Variants in LRPPRC observed in about 807,000 individuals in gnomAD.
LRPPRC encodes leucine-rich PPR motif-containing protein, mitochondrial.
In LRPPRC, 120 loss-of-function variants were observed where a neutral mutation model predicts 180.3. The observed-to-expected ratio is 0.67, with a 90% CI of 0.57 to 0.77. The LOEUF (loss-of-function observed/expected upper bound fraction) is 0.77. Ranked by LOEUF, LRPPRC falls within the 30% of genes least tolerant of loss-of-function variation. LRPPRC has a pLI of 0.00. For missense variants in LRPPRC, 2,012 were observed against 1,657.2 expected (o/e 1.21, Z -3.72); for synonymous variants, 723 against 600.0 (o/e 1.21, Z -3.00).
At position 43,975,153 on chromosome 2, in the gene LRPPRC, C is replaced by G. The variant is rs756849117; in HGVS notation, c.802G>C (p.Asp268His). ...GCATTCAATAATGCGAGGTATGTGTCTGGACCAGGCTCAATTCCGGCATCT... is the reference window on the plus strand; with the variant it reads ...GCATTCAATAATGCGAGGTATGTGTGTGGACCAGGCTCAATTCCGGCATCT... ...MRDAGIEPGP[D>H]TYLALLNAYA... is the part of the protein sequence containing the mutation. Residue 268 changes from aspartate to histidine, a missense_variant, in exon 7 of 38, where the codon GAC (aspartate) becomes CAC (histidine). Transcript: ENST00000260665. The G allele has an allele frequency of 1.3e-4, 209 of 1,613,468 alleles. No homozygotes were observed. The highest frequency in any genetic ancestry group is 1.7e-4 in the Non-Finnish European group (195 of 1,179,742).
At position 43,896,620 on chromosome 2, in the gene LRPPRC, G is replaced by A. The variant is rs3795859; in HGVS notation, c.3900+14C>T. 0.13 allele frequency: 196,344 copies of A among 1,559,860 alleles called. 16,434 individuals carry two copies. The highest frequency in any genetic ancestry group is 0.43 in the East Asian group (19,323 of 44,462). ...TACAGTATCATTGATTTGTAAGCAGGTAAAGCACAGTACCTTTCCTTGTTT... is the reference window on the plus strand; with the variant it reads ...TACAGTATCATTGATTTGTAAGCAGATAAAGCACAGTACCTTTCCTTGTTT... On this transcript the variant is annotated intron_variant, in intron 35 of 37. Transcript: ENST00000260665.
Position 43,932,858 on chromosome 2 carries a change from C to T in LRPPRC, c.2736+1332G>A, listed in dbSNP as rs542379829. On this transcript the variant is annotated intron_variant, in intron 25 of 37. Coordinates refer to ENST00000260665, the MANE Select transcript of LRPPRC (RefSeq NM_133259.4). ...GGCAAAACAAGAAATCACTCTTCTG[C>T]CTCTGGCTCTATTACACCTTACTAC... Among the ~76,000 whole-genome samples, 25 of 152,306 alleles carry T rather than the reference C, an allele frequency of 1.6e-4. 1 individual carries two copies. The highest frequency in any genetic ancestry group is 5.8e-4 in the African/African-American group (24 of 41,574).
chr2:43,950,484 G>C, intron 15 of LRPPRC, 89 bp downstream of exon 15: 4 of 1,179,508 alleles, frequency 3.4e-6, no homozygotes, highest in Non-Finnish European at 5.1e-6. Flanking sequence ...ACCAAATATA[G>C]GTTTCATGAT....
chr2:43,925,178 A>G, intron 26 of LRPPRC, 21 bp from the exon 27 acceptor site: 1 of 1,148,992 alleles, frequency 8.7e-7, no homozygotes, highest in East Asian at 2.3e-5. Context: ...AGATTAAGAG[A>G]TAGATCTACC....
At chr2:43,911,523 C>CTTCT (rs1217364053) in intron 30 of LRPPRC, among the ~76,000 whole-genome samples, 1 of 92,372 alleles carries the variant, frequency 1.1e-5, no homozygotes, top group African/African-American at 4.3e-5. Context: ...TCTTCTTCTT[C>CTTCT]TTTTTTTTTT....
At chr2:43,948,766 C>G (rs1672790211) in intron 16 of LRPPRC, among the ~76,000 whole-genome samples, 1 of 152,130 alleles carries the variant, frequency 6.6e-6, no homozygotes, top group Admixed American at 6.6e-5. Context: ...TTACTTCAAT[C>G]TATTTTTTTT....
intron 1 of LRPPRC, among the ~76,000 whole-genome samples, chr2:43,993,239 G>A (rs1674866140): frequency 6.6e-6 from 1 of 152,124 alleles, no homozygotes; most frequent in South Asian, 2.1e-4. Context: ...GTCATTAGAA[G>A]GACAGCTATC....
intron 23 of LRPPRC, among the ~76,000 whole-genome samples, chr2:43,936,123 T>C (rs946815249): frequency 6.6e-6 from 1 of 151,944 alleles, no homozygotes; most frequent in East Asian, 1.9e-4. Context: ...CTATAGAGAT[T>C]ATATGATCCA....
In LRPPRC at chr2:43,975,480, C is replaced by CAA. The variant is rs944088006; in HGVS notation, c.738-264_738-263insTT. ...TCTTAATATTATGTAGGTTATGACTCAGACTTAACTTTCGAGGTAAGAATA... is the reference window on the plus strand; with the variant it reads ...TCTTAATATTATGTAGGTTATGACTCAAAGACTTAACTTTCGAGGTAAGAATA... On this transcript the variant is annotated intron_variant, in intron 6 of 37. Transcript: ENST00000260665. 5.1e-4 allele frequency among the ~76,000 whole-genome samples: 77 copies of CAA among 152,212 alleles called. 2 individuals are homozygous for CAA. Among genetic ancestry groups the CAA allele is most frequent in the African/African-American group, 1.9e-3 (77 of 41,554 alleles).
intron 18 of LRPPRC, 61 bp from the exon 19 acceptor site, chr2:43,947,836 A>T: frequency 9.2e-7 from 1 of 1,081,818 alleles, no homozygotes; most frequent in Non-Finnish European, 1.4e-6. Context: ...ACATCAGCAA[A>T]CATCAAAAGC....
intron 11 of LRPPRC, among the ~76,000 whole-genome samples, chr2:43,970,818 C>T (rs953841327): frequency 2.0e-5 from 3 of 152,136 alleles, no homozygotes; most frequent in Non-Finnish European, 4.4e-5. Flanking sequence ...AAGTAAGTTC[C>T]GCCAAGAGTG....
chr2:43,988,050 G>A (rs924304024), intron 1 of LRPPRC, among the ~76,000 whole-genome samples: 78 of 151,782 alleles, frequency 5.1e-4, no homozygotes, highest in African/African-American at 1.7e-3. Context: ...AGACCAGCCC[G>A]GCCAACATGT....
intron 23 of LRPPRC, among the ~76,000 whole-genome samples, chr2:43,939,057 G>A (rs990307005): frequency 2.6e-5 from 4 of 151,604 alleles, no homozygotes; most frequent in South Asian, 2.1e-4. Flanking sequence ...TGGATCACGC[G>A]GTCAGGAGAT....
chr2:43,938,448 A>T (rs973964757), intron 23 of LRPPRC, among the ~76,000 whole-genome samples: 1 of 152,226 alleles, frequency 6.6e-6, no homozygotes, highest in African/African-American at 2.4e-5. Flanking sequence ...GGAAACTTAA[A>T]ATAGAGTTAA....
chr2:43,904,033 C>T (rs544865617), intron 31 of LRPPRC: 1 of 152,332 alleles, frequency 6.6e-6, no homozygotes, highest in African/African-American at 2.4e-5. Context: ...GCCTCAACCT[C>T]CTGGGCTTAA....
chr2:43,976,731 A>C (rs1421033252), intron 5 of LRPPRC, among the ~76,000 whole-genome samples: 1 of 151,790 alleles, frequency 6.6e-6, no homozygotes, highest in Non-Finnish European at 1.5e-5. Flanking sequence ...AAAAAAAGCA[A>C]AGTCAGCTTT....
intron 30 of LRPPRC, among the ~76,000 whole-genome samples, chr2:43,907,975 A>G (rs1671120514): frequency 6.6e-6 from 1 of 152,198 alleles, no homozygotes; most frequent in Non-Finnish European, 1.5e-5. Context: ...ATGAGAAGTG[A>G]GCTTTCATGT....
intron 14 of LRPPRC, among the ~76,000 whole-genome samples, chr2:43,951,886 C>T (rs1482954520): frequency 6.6e-6 from 1 of 152,080 alleles, no homozygotes; most frequent in Non-Finnish European, 1.5e-5. Flanking sequence ...AAAGTATCAA[C>T]TTACTGTCAA....
intron 25 of LRPPRC, among the ~76,000 whole-genome samples, chr2:43,928,772 A>G (rs976358774): frequency 6.6e-6 from 1 of 152,014 alleles, no homozygotes; most frequent in African/African-American, 2.4e-5. Context: ...TTAAAAAAAA[A>G]AGAAAACAAC....
Sources: gnomAD v4.1 joint callset for allele counts (sites outside exome capture counted in the v4.1 genomes callset) on GRCh38, gnomAD v4.1.1 for gene constraint, MANE v1.5 for transcripts, NCBI Gene and HGNC (gene_info 2026-07-23, HGNC 2026-07-21) for gene names.